SLC39A11: variants seen among roughly 807,000 people sequenced by gnomAD.
The protein encoded by SLC39A11 is solute carrier family 39 member 11.
A neutral mutation model predicts 36.1 loss-of-function variants in SLC39A11; 33 were observed. The observed-to-expected ratio is 0.91, with a 90% CI of 0.69 to 1.22. The LOEUF (loss-of-function observed/expected upper bound fraction) is 1.22. Ranked by LOEUF, SLC39A11 falls within the 50% of genes most tolerant of loss-of-function variation. SLC39A11 has a pLI of 0.00. For missense variants in SLC39A11, 432 were observed against 430.3 expected (o/e 1.00, Z -0.03); for synonymous variants, 166 against 170.3 (o/e 0.97, Z 0.20).
intron 7 of SLC39A11, among the ~76,000 whole-genome samples, chr17:72,691,237 A>G (rs1362190384): frequency 6.6e-6 from 1 of 152,172 alleles, no homozygotes; most frequent in Non-Finnish European, 1.5e-5. Context: ...AGGGACTTGG[A>G]GTAATCTTGA....
At chr17:73,092,349 T>C (rs537652353) in intron 1 of SLC39A11, 15 of 152,312 alleles carry the variant, frequency 9.8e-5, no homozygotes, top group African/African-American at 3.4e-4. Flanking sequence ...AAGGAAGGCA[T>C]GTCATTGCCT....
chr17:72,735,459 C>A (rs557800438), intron 7 of SLC39A11, among the ~76,000 whole-genome samples: 19 of 152,236 alleles, frequency 1.2e-4, no homozygotes, highest in Admixed American at 1.0e-3. Context: ...AGTGCTATTT[C>A]CTTGGGGGAG....
Position 73,009,058 on chromosome 17 carries a change from C to CA in SLC39A11, c.306+22497dup, listed in dbSNP as rs34448509. ...GCCTGGGTGACAGAGAGACCTGCCT[C>CA]AAAAAAAAAAAAAAAAAAAAGGCAG... On this transcript the variant is annotated intron_variant, in intron 4 of 9. Transcript: ENST00000255559. Among the ~76,000 whole-genome samples, 320 of 78,834 alleles carry CA rather than the reference C, an allele frequency of 4.1e-3. 15 individuals are homozygous for CA. Among genetic ancestry groups the CA allele is most frequent in the African/African-American group, 9.5e-3 (209 of 22,002 alleles). 51.7% of individuals were successfully genotyped at this position (78,834 alleles called of 152,430 possible).
intron 6 of SLC39A11, among the ~76,000 whole-genome samples, chr17:72,826,767 A>G (rs973837071): frequency 3.9e-5 from 6 of 152,224 alleles, no homozygotes; most frequent in African/African-American, 1.4e-4. Flanking sequence ...GCTATTAGTC[A>G]TCAGGGAAAT....
At chr17:72,704,721 G>GA (rs397739400) in intron 7 of SLC39A11, among the ~76,000 whole-genome samples, 2 of 151,824 alleles carry the variant, frequency 1.3e-5, no homozygotes, top group Non-Finnish European at 2.9e-5. Context: ...TCCCTGGGGG[G>GA]TCCTCTTCCC....
intron 4 of SLC39A11, among the ~76,000 whole-genome samples, chr17:72,953,423 G>C (rs1053254487): frequency 3.3e-5 from 5 of 152,158 alleles, no homozygotes; most frequent in Admixed American, 2.0e-4. Context: ...TCTGCAACTT[G>C]CCTTACATTA....
At chr17:73,031,254 C>CTAGGTCCTACCCAGCACCCA (rs2058730035) in intron 4 of SLC39A11, among the ~76,000 whole-genome samples, 1 of 151,822 alleles carries the variant, frequency 6.6e-6, no homozygotes, top group African/African-American at 2.4e-5. Context: ...CCACAGTGAT[C>CTAGGTCCTACCCAGCACCCA]GTTCTAGGTC....
chr17:72,842,688 ATGT>A (rs1329071330), intron 6 of SLC39A11, among the ~76,000 whole-genome samples: 1 of 152,194 alleles, frequency 6.6e-6, no homozygotes, highest in Non-Finnish European at 1.5e-5. Context: ...CTAAAAAACC[ATGT>A]TGTTTCCTCA....
At chr17:72,733,567 A>G (rs2074313310) in intron 7 of SLC39A11, among the ~76,000 whole-genome samples, 1 of 152,112 alleles carries the variant, frequency 6.6e-6, no homozygotes, top group South Asian at 2.1e-4. Flanking sequence ...GGGCTGGTGC[A>G]CAGTCCCCCT....
At chr17:72,788,198 A>G (rs1005914598) in intron 6 of SLC39A11, among the ~76,000 whole-genome samples, 35 of 151,816 alleles carry the variant, frequency 2.3e-4, no homozygotes, top group Non-Finnish European at 5.9e-5. Flanking sequence ...CCAGGTATTT[A>G]CTCCATACAT....
intron 3 of SLC39A11, among the ~76,000 whole-genome samples, chr17:73,041,095 T>C (rs1179713189): frequency 6.6e-6 from 1 of 152,082 alleles, no homozygotes; most frequent in Non-Finnish European, 1.5e-5. Flanking sequence ...TTTTCAAAGG[T>C]TTACTACACT....
At chr17:72,987,945 A>G (rs1435066536) in intron 4 of SLC39A11, among the ~76,000 whole-genome samples, 2 of 152,220 alleles carry the variant, frequency 1.3e-5, no homozygotes, top group Non-Finnish European at 2.9e-5. Context: ...GTTTAAAAAG[A>G]GCATCTATAA....
intron 7 of SLC39A11, among the ~76,000 whole-genome samples, chr17:72,691,925 A>G (rs1344092116): frequency 1.3e-5 from 2 of 152,124 alleles, no homozygotes; most frequent in East Asian, 3.8e-4. Flanking sequence ...GAATCAGGAG[A>G]CAGGAAACGG....
chr17:72,682,387 T>C (rs2071547330), intron 7 of SLC39A11, among the ~76,000 whole-genome samples: 1 of 145,916 alleles, frequency 6.9e-6, no homozygotes, highest in Admixed American at 7.2e-5. Flanking sequence ...ATAATACATA[T>C]AAAAAATATG....
intron 7 of SLC39A11, among the ~76,000 whole-genome samples, chr17:72,716,487 G>A (rs1234719964): frequency 2.0e-5 from 3 of 151,818 alleles, no homozygotes; most frequent in South Asian, 4.2e-4. Context: ...ATGGGCCAGC[G>A]TCTGAAGGCG....
At chr17:72,797,887 G>A (rs1359276471) in intron 6 of SLC39A11, among the ~76,000 whole-genome samples, 1 of 152,158 alleles carries the variant, frequency 6.6e-6, no homozygotes, top group East Asian at 1.9e-4. Context: ...AGAAGAAGGA[G>A]TTTGCATCTA....
chr17:73,005,596 C>T (rs2090134417), intron 4 of SLC39A11, among the ~76,000 whole-genome samples: 1 of 152,190 alleles, frequency 6.6e-6, no homozygotes. Context: ...CCCGCTCCAG[C>T]CACCTAGGGA....
chr17:73,054,616 T>C (rs139151737), intron 3 of SLC39A11, among the ~76,000 whole-genome samples: 3,290 of 151,950 alleles, frequency 0.022, 47 homozygotes, highest in Non-Finnish European at 0.032. Flanking sequence ...GAAACTGGCC[T>C]GGCCAACATG....
At chr17:72,948,573 TCCAAACAAA>T (rs1388673548) in intron 4 of SLC39A11, among the ~76,000 whole-genome samples, 1 of 152,100 alleles carries the variant, frequency 6.6e-6, no homozygotes, top group African/African-American at 2.4e-5. Context: ...AAAGAGGAGA[TCCAAACAAA>T]ACCATCTCAA....
Sources: allele counts gnomAD v4.1 joint callset (sites outside exome capture counted in the v4.1 genomes callset), GRCh38; gene constraint gnomAD v4.1.1; transcripts MANE v1.5; gene names NCBI Gene and HGNC (gene_info 2026-07-23, HGNC 2026-07-21).